CUBN: variants seen among roughly 807,000 people sequenced by gnomAD.
CUBN encodes cubilin, also known as 460 kDa receptor.
In CUBN, 282 loss-of-function variants were observed where a neutral mutation model predicts 405.3. That is an observed-to-expected ratio of 0.70 (90% CI 0.63 to 0.77). The LOEUF is 0.77. Ranked by LOEUF, CUBN falls within the 30% of genes least tolerant of loss-of-function variation. The pLI is 0.00. For missense variants in CUBN, 4,514 were observed against 4,475.2 expected (o/e 1.01, Z -0.25); for synonymous variants, 1,684 against 1,617.0 (o/e 1.04, Z -0.99).
At chr10:16,987,756 T>C (rs1302074964) in intron 29 of CUBN, among the ~76,000 whole-genome samples, 4 of 152,152 alleles carry the variant, frequency 2.6e-5, no homozygotes, top group Admixed American at 1.3e-4. Flanking sequence ...AAAAAAACCA[T>C]TCCACCACCA....
At chr10:17,081,128 G>A (rs1365847226) in intron 17 of CUBN, among the ~76,000 whole-genome samples, 7 of 152,092 alleles carry the variant, frequency 4.6e-5, no homozygotes, top group Admixed American at 4.6e-4. Flanking sequence ...TCTTTAATGA[G>A]TGCTTATGGA....
chr10:17,118,310 A>G (rs1210989105), intron 6 of CUBN, among the ~76,000 whole-genome samples: 2 of 152,230 alleles, frequency 1.3e-5, no homozygotes, highest in Non-Finnish European at 2.9e-5. Flanking sequence ...CACAAAATGA[A>G]TAATTGGCAG....
intron 17 of CUBN, among the ~76,000 whole-genome samples, chr10:17,079,451 C>T (rs1196894296): frequency 6.6e-6 from 1 of 151,714 alleles, no homozygotes; most frequent in South Asian, 2.1e-4. Context: ...GTTGGCCAGG[C>T]TGGTCTCAAA....
At position 16,990,448 on chromosome 10, in the gene CUBN, T is replaced by C. The variant is rs1381785118; in HGVS notation, c.4236A>G (p.Pro1412=). 3 of 1,613,988 alleles carry C rather than the reference T, an allele frequency of 1.9e-6. No individual in the cohort carries two copies. The African/African-American group carries it at 4.0e-5, about 22-fold the overall frequency. Residue 1412 remains proline (P), a synonymous_variant, in exon 29 of 67, where the codon CCA becomes CCG. Transcript: ENST00000377833. ...FSSPGFPNRY[P]PNKECIWYIR... Reference sequence around the variant, plus strand: ...TGTACCAGATACACTCCTTGTTTGGTGGATACCTGTTGGGGAACCCGGGGC... The same window carrying C: ...TGTACCAGATACACTCCTTGTTTGGCGGATACCTGTTGGGGAACCCGGGGC...
intron 22 of CUBN, 29 bp downstream of exon 22, chr10:17,065,479 A>G (rs745998080): frequency 2.5e-6 from 4 of 1,612,052 alleles, no homozygotes; most frequent in Non-Finnish European, 3.4e-6. Context: ...GGAGTCAATA[A>G]AACCGAGTAT....
intron 55 of CUBN, among the ~76,000 whole-genome samples, 198 bp downstream of exon 55, chr10:16,890,172 TG>T (rs1388743751): frequency 6.6e-6 from 1 of 152,110 alleles, no homozygotes; most frequent in Non-Finnish European, 1.5e-5. Context: ...GTGCCCCTCA[TG>T]GCTTTTATAT....
rs1840446964 is a variant in CUBN, at chr10:16,874,523, A to G, written c.9107-20T>C. On this transcript the variant is annotated intron_variant, in intron 57 of 66. Transcript: ENST00000377833. ...CACAGGCTGCAACAGAAGACAAGGG[A>G]ATATGAAGAGAACAACGATTAGTCC... The G allele has an allele frequency of 6.2e-7, 1 of 1,613,960 alleles. No individual in the cohort carries two copies. Among genetic ancestry groups the G allele is most frequent in the African/African-American group, 1.3e-5 (1 of 74,940 alleles).
At chr10:16,962,687 C>T (rs1396855753) in intron 31 of CUBN, among the ~76,000 whole-genome samples, 2 of 152,148 alleles carry the variant, frequency 1.3e-5, no homozygotes, top group Non-Finnish European at 2.9e-5. Context: ...CTCTCTATTG[C>T]TTGCCCTGGT....
At chr10:16,948,042 C>T (rs1194236865) in intron 35 of CUBN, among the ~76,000 whole-genome samples, 1 of 152,172 alleles carries the variant, frequency 6.6e-6, no homozygotes, top group Non-Finnish European at 1.5e-5. Context: ...AACCTCGTCT[C>T]TACTAAAAAT....
At chr10:17,089,428 T>C (rs956310525) in intron 14 of CUBN, among the ~76,000 whole-genome samples, 10 of 152,170 alleles carry the variant, frequency 6.6e-5, no homozygotes, top group African/African-American at 2.4e-4. Context: ...AAAGAACTTC[T>C]AAAAAGAATA....
chr10:17,041,253 T>C, intron 26 of CUBN, 33 bp from the exon 27 acceptor site: 1 of 1,558,024 alleles, frequency 6.4e-7, no homozygotes, highest in Non-Finnish European at 8.9e-7. Context: ...AGAACCACTA[T>C]TATATACTTC....
intron 56 of CUBN, among the ~76,000 whole-genome samples, chr10:16,888,134 A>T (rs1372101949): frequency 1.3e-5 from 2 of 152,184 alleles, no homozygotes; most frequent in African/African-American, 2.4e-5. Flanking sequence ...TTCAGCTAGG[A>T]GGAATAAGTT....
intron 12 of CUBN, 122 bp downstream of exon 12, chr10:17,104,297 T>A: frequency 1.3e-6 from 1 of 790,304 alleles, no homozygotes; most frequent in Non-Finnish European, 2.2e-6. Flanking sequence ...AAAGACTTAG[T>A]TCTCAGTATC....
intron 31 of CUBN, among the ~76,000 whole-genome samples, chr10:16,976,301 G>A (rs540101564): frequency 6.6e-6 from 1 of 152,192 alleles, no homozygotes; most frequent in South Asian, 2.1e-4. Flanking sequence ...AATTTTAGGA[G>A]AGCATAGAGT....
chr10:16,976,533 T>A (rs1833102342), intron 31 of CUBN, among the ~76,000 whole-genome samples: 1 of 152,088 alleles, frequency 6.6e-6, no homozygotes, highest in Admixed American at 6.5e-5. Flanking sequence ...CGTCATTCTA[T>A]TTATCCTGCT....
At chr10:16,997,089 A>C (rs1026967629) in intron 28 of CUBN, among the ~76,000 whole-genome samples, 11 of 152,336 alleles carry the variant, frequency 7.2e-5, no homozygotes, top group Admixed American at 4.6e-4. Context: ...CTGCTCTATA[A>C]GACCTTGAGA....
intron 31 of CUBN, among the ~76,000 whole-genome samples, chr10:16,966,747 C>T (rs1843402735): frequency 6.6e-6 from 1 of 152,196 alleles, no homozygotes; most frequent in African/African-American, 2.4e-5. Context: ...CTGTGCCAGT[C>T]CCGCTTTGCT....
chr10:17,060,644 C>T (rs1468205364), intron 22 of CUBN, among the ~76,000 whole-genome samples: 5 of 152,270 alleles, frequency 3.3e-5, no homozygotes, highest in African/African-American at 9.6e-5. Context: ...AAAGACGAAT[C>T]GACTTACTAC....
rs1835270020 is a variant in CUBN, at chr10:17,051,626, T to A, written c.3140-4023A>T. Among the ~76,000 whole-genome samples the A allele has an allele frequency of 2.6e-5, 4 of 151,824 alleles. No homozygotes were observed. The South Asian group carries it at 8.3e-4, about 32-fold the overall frequency. ...AATTATTAAAAGGAACCATGAAAAT[T>A]ATATAACTTAAAATTACACTAATTC... On this transcript the variant is annotated intron_variant, in intron 22 of 66. Coordinates refer to ENST00000377833, the MANE Select transcript of CUBN (RefSeq NM_001081.4).
Sources: gnomAD v4.1 joint callset for allele counts (sites outside exome capture counted in the v4.1 genomes callset) on GRCh38, gnomAD v4.1.1 for gene constraint, MANE v1.5 for transcripts, NCBI Gene and HGNC (gene_info 2026-07-23, HGNC 2026-07-21) for gene names.